PIK3R4: variants seen among roughly 807,000 people sequenced by gnomAD.
PIK3R4 encodes phosphoinositide 3-kinase regulatory subunit 4.
PIK3R4 carries 46 observed loss-of-function variants against 136.5 expected under a neutral mutation model. The ratio of observed to expected loss-of-function variants is 0.34; its 90% CI spans 0.27 to 0.43. The LOEUF (loss-of-function observed/expected upper bound fraction) is 0.43. PIK3R4 is among the 20% of genes least tolerant of loss of function. The pLI is 1.00. For synonymous variants in PIK3R4, 557 were observed against 566.7 expected (o/e 0.98, Z 0.24); for missense variants, 1,331 against 1,649.5 (o/e 0.81, Z 3.35).
intron 14 of PIK3R4, among the ~76,000 whole-genome samples, chr3:130,687,857 C>A (rs1195047213): frequency 2.0e-5 from 3 of 152,018 alleles, no homozygotes; most frequent in Non-Finnish European, 4.4e-5. Context: ...TTTATTTTTC[C>A]CACACACCTG....
chr3:130,722,661 A>G (rs2066708323), intron 7 of PIK3R4, among the ~76,000 whole-genome samples: 1 of 152,106 alleles, frequency 6.6e-6, no homozygotes, highest in Non-Finnish European at 1.5e-5. Flanking sequence ...GCAGTGACAG[A>G]CCCTTCACAT....
intron 6 of PIK3R4, among the ~76,000 whole-genome samples, chr3:130,726,700 G>A (rs2066733987): frequency 6.6e-6 from 1 of 151,772 alleles, no homozygotes; most frequent in African/African-American, 2.4e-5. Flanking sequence ...ATTTTTCTAA[G>A]TTTTATTTCC....
At position 130,744,676 on chromosome 3, in the gene PIK3R4, T is replaced by C. The variant is rs2066843048; in HGVS notation, c.543A>G (p.Ala181=). The change falls in exon 2 of 20, where the codon GCA becomes GCG. Residue 181 remains alanine, a synonymous_variant. Coordinates refer to ENST00000356763, the MANE Select transcript of PIK3R4 (RefSeq NM_014602.3). ...ATGTGTCAAAGAAATAATTGAAATC[T>C]GCCGGGTTGTCTTCTGGAAGATAAG... The part of the protein sequence containing the change: ...KPTYLPEDNP[A]DFNYFFDTSR... 6.2e-7 allele frequency: 1 copy of C among 1,614,256 alleles called. No individual in the cohort carries two copies. The highest frequency in any genetic ancestry group is 1.3e-5 in the African/African-American group (1 of 75,070).
At chr3:130,719,737 C>G (rs2066688267) in intron 7 of PIK3R4, among the ~76,000 whole-genome samples, 1 of 152,192 alleles carries the variant, frequency 6.6e-6, no homozygotes, top group Admixed American at 6.5e-5. Context: ...TATCACACAA[C>G]CACACTCATT....
intron 11 of PIK3R4, 27 bp downstream of exon 11, chr3:130,706,921 A>G: frequency 6.4e-7 from 1 of 1,562,406 alleles, no homozygotes; most frequent in Non-Finnish European, 8.7e-7. Flanking sequence ...AGACATTAGG[A>G]GGACTACTGA....
At chr3:130,698,153 A>G (rs2066556584) in intron 13 of PIK3R4, among the ~76,000 whole-genome samples, 1 of 152,328 alleles carries the variant, frequency 6.6e-6, no homozygotes, top group South Asian at 2.1e-4. Flanking sequence ...TTGTCTTCCA[A>G]CAGTTTATGA....
intron 8 of PIK3R4, among the ~76,000 whole-genome samples, chr3:130,717,052 T>C (rs1326022149): frequency 6.6e-6 from 1 of 152,234 alleles, no homozygotes; most frequent in African/African-American, 2.4e-5. Flanking sequence ...ATCTCCATAG[T>C]GTTTATAAAA....
chr3:130,719,893 C>T (rs1364078288), intron 7 of PIK3R4, among the ~76,000 whole-genome samples: 3 of 152,132 alleles, frequency 2.0e-5, no homozygotes, highest in Admixed American at 6.5e-5. Context: ...CGTGCTTCTG[C>T]CATCACCATG....
At position 130,679,417 on chromosome 3, in the gene PIK3R4, G is replaced by A. The variant is rs550061438; in HGVS notation, c.3975C>T (p.Pro1325=). 30 of 1,611,824 alleles carry A rather than the reference G, an allele frequency of 1.9e-5. No homozygotes were observed. Among genetic ancestry groups the A allele is most frequent in the South Asian group, 5.5e-5 (5 of 91,030 alleles). The change falls in exon 20 of 20, where the codon CCC becomes CCT. Residue 1325 remains proline, a synonymous_variant. Transcript: ENST00000356763. ...CAGTGATGATGTCATGATGTCCCAC[G>A]GGCAGGGACTCTGGGCCCCTTCGAG... The part of the protein sequence containing the change: ...DTPRRGPESL[P]VGHHDIITDV...
intron 13 of PIK3R4, among the ~76,000 whole-genome samples, chr3:130,699,001 T>C (rs2066561823): frequency 6.6e-6 from 1 of 152,224 alleles, no homozygotes; most frequent in South Asian, 2.1e-4. Context: ...ACATCTCTGC[T>C]TTAGCCTTCA....
chr3:130,681,073 G>C lies in PIK3R4; in HGVS notation c.3709-8C>G, dbSNP rs368881496. On this transcript the variant is annotated splice_region_variant and splice_polypyrimidine_tract_variant and intron_variant, in intron 17 of 19. Transcript: ENST00000356763. ...GACGCTATGAGGAGAAGGCTTAAAA[G>C]AAATAGATGTGGAGTCAAATAAAAG... 6.5e-5 allele frequency: 95 copies of C among 1,459,910 alleles called. No individual in the cohort carries two copies. Among genetic ancestry groups the C allele is most frequent in the South Asian group, 1.9e-4 (17 of 87,970 alleles). The allele number at this position is 1,459,910 out of a possible 1,614,324, so 90.4% of individuals were successfully genotyped here.
intron 9 of PIK3R4, among the ~76,000 whole-genome samples, chr3:130,713,856 T>C (rs2066645917): frequency 6.6e-6 from 1 of 152,104 alleles, no homozygotes; most frequent in African/African-American, 2.4e-5. Context: ...GGATTTTTAG[T>C]AGAGACAGCG....
At chr3:130,704,154 A>C (rs1192871619) in intron 12 of PIK3R4, among the ~76,000 whole-genome samples, 1 of 152,226 alleles carries the variant, frequency 6.6e-6, no homozygotes, top group Non-Finnish European at 1.5e-5. Context: ...GAGAAGGCAC[A>C]GCAGTTACCT....
intron 7 of PIK3R4, 145 bp from the exon 8 acceptor site, chr3:130,718,679 G>T: frequency 1.6e-6 from 1 of 638,502 alleles, no homozygotes; most frequent in Middle Eastern, 3.0e-4. Context: ...TTACCCTGAA[G>T]CATAAACTCA....
At chr3:130,723,634 A>G (rs1559828083) in intron 6 of PIK3R4, 47 bp from the exon 7 acceptor site, 2 of 1,495,886 alleles carry the variant, frequency 1.3e-6, no homozygotes, top group Non-Finnish European at 1.8e-6. Flanking sequence ...ACCTAAAAGT[A>G]CATATATCAT....
chr3:130,686,415 C>G lies in PIK3R4; in HGVS notation c.3271G>C (p.Asp1091His), dbSNP rs1486640238. The G allele has an allele frequency of 6.3e-7, 1 of 1,597,444 alleles. No homozygotes were observed. Among genetic ancestry groups the G allele is most frequent in the Admixed American group, 1.7e-5 (1 of 59,972 alleles). The part of the protein sequence containing the change: ...KIHPLQSRIL[D>H]QKEDGCVVDM... ...ACAACACAACCGTCCTCCTTCTGAT[C>G]TAGAATTCTAGAGAAATACACAAAG... Residue 1091 changes from aspartate (D) to histidine (H), a missense_variant, in exon 15 of 20, where the codon GAT becomes CAT. This residue lies in a region of PIK3R4 where 1,180 missense variants were observed against 1,407.0 expected (regional missense o/e 0.84). Transcript: ENST00000356763.
At chr3:130,724,906 A>C (rs1292217277) in intron 6 of PIK3R4, among the ~76,000 whole-genome samples, 1 of 152,006 alleles carries the variant, frequency 6.6e-6, no homozygotes, top group African/African-American at 2.4e-5. Flanking sequence ...ATATGGTAAT[A>C]ATCACCTGAA....
chr3:130,727,941 C>T (rs1390402146), intron 6 of PIK3R4, among the ~76,000 whole-genome samples: 1 of 147,632 alleles, frequency 6.8e-6, no homozygotes, highest in Non-Finnish European at 1.5e-5. Flanking sequence ...GAAAGAACAG[C>T]AAAAAAAAAA....
At position 130,740,415 on chromosome 3, in the gene PIK3R4, G is replaced by A. The variant is rs569292106; in HGVS notation, c.733+4071C>T. 2.0e-5 allele frequency among the ~76,000 whole-genome samples: 3 copies of A among 152,114 alleles called. No homozygotes were observed. The South Asian group carries it at 6.2e-4, about 31-fold the overall frequency. ...TTACTGCAGCCATTAACTATATTGT[G>A]TTTTGTAACAGACTATACCTCATCT... On this transcript the variant is annotated intron_variant, in intron 2 of 19. Coordinates refer to ENST00000356763, the MANE Select transcript of PIK3R4 (RefSeq NM_014602.3).
Sources: allele counts gnomAD v4.1 joint callset (sites outside exome capture counted in the v4.1 genomes callset), GRCh38; gene constraint gnomAD v4.1.1; regional missense constraint gnomAD v4.1.1; transcripts MANE v1.5; gene names NCBI Gene and HGNC (gene_info 2026-07-23, HGNC 2026-07-21).